Variants in KDM2A observed in about 807,000 individuals in gnomAD.
The protein encoded by KDM2A is lysine demethylase 2A.
Under a neutral mutation model 137.3 loss-of-function variants are expected in KDM2A, and 3 were observed. The ratio of observed to expected loss-of-function variants is 0.02; its 90% CI spans 0.01 to 0.06. KDM2A has a LOEUF of 0.06. KDM2A is among the 10% of genes least tolerant of loss of function. KDM2A has a pLI of 1.00. For synonymous variants in KDM2A, 512 were observed against 541.5 expected, an observed-to-expected ratio of 0.95 and a Z score of 0.76; for missense variants, 738 against 1,510.6, an observed-to-expected ratio of 0.49 and a Z score of 8.48.
chr11:67,241,060 C>A (rs1185560975), intron 12 of KDM2A, among the ~76,000 whole-genome samples: 1 of 152,172 alleles, frequency 6.6e-6, no homozygotes, highest in Non-Finnish European at 1.5e-5. Context: ...TCTTACTGTG[C>A]AGTCTGTTTT....
At chr11:67,191,548 C>A (rs1857354801) in intron 5 of KDM2A, among the ~76,000 whole-genome samples, 1 of 152,100 alleles carries the variant, frequency 6.6e-6, no homozygotes, top group African/African-American at 2.4e-5. Context: ...ATGTGAAAAT[C>A]AATCAATATA....
chr11:67,193,876 A>T (rs905104151), intron 5 of KDM2A, among the ~76,000 whole-genome samples: 3 of 152,110 alleles, frequency 2.0e-5, no homozygotes, highest in African/African-American at 7.2e-5. Flanking sequence ...ATACATACAT[A>T]CATACGTATT....
chr11:67,169,698 T>G (rs927210565), intron 2 of KDM2A, among the ~76,000 whole-genome samples: 1 of 150,286 alleles, frequency 6.7e-6, no homozygotes, highest in Non-Finnish European at 1.5e-5. Context: ...TCTTTTTTCT[T>G]TCTTTTTTCT....
chr11:67,146,638 A>C (rs1856254454), intron 2 of KDM2A, among the ~76,000 whole-genome samples: 1 of 151,900 alleles, frequency 6.6e-6, no homozygotes, highest in African/African-American at 2.4e-5. Context: ...CCCCACAAGT[A>C]CCAGGGACTA....
chr11:67,207,664 G>A lies in KDM2A; in HGVS notation c.462G>A (p.Glu154=). The change falls in exon 6 of 21, where the codon GAG becomes GAA. Residue 154 remains glutamate (E), a synonymous_variant. Transcript: ENST00000529006. ...TCGAGTTTAGCCACACCAGGCTGGA[G>A]AATATGGTGCAGAGGCCCTCCACGG... ...ISLEFSHTRL[E]NMVQRPSTVD... is the part of the protein sequence containing the mutation. The A allele has an allele frequency of 6.2e-7, 1 of 1,612,552 alleles. No homozygotes were observed. The highest frequency in any genetic ancestry group is 1.1e-5 in the South Asian group (1 of 90,906).
intron 5 of KDM2A, among the ~76,000 whole-genome samples, chr11:67,195,359 A>G (rs1454106017): frequency 4.7e-5 from 5 of 105,880 alleles, no homozygotes; most frequent in Non-Finnish European, 7.1e-5. Context: ...ATCGAGTGAG[A>G]CTCCGTCTCC....
At chr11:67,161,900 A>G (rs1856647074) in intron 2 of KDM2A, among the ~76,000 whole-genome samples, 1 of 152,102 alleles carries the variant, frequency 6.6e-6, no homozygotes, top group South Asian at 2.1e-4. Flanking sequence ...TATTTTCTAG[A>G]GTTTCCTAAG....
chr11:67,144,739 A>AT (rs1404548047), intron 2 of KDM2A, among the ~76,000 whole-genome samples: 1 of 145,704 alleles, frequency 6.9e-6, no homozygotes, highest in Non-Finnish European at 1.5e-5. Context: ...AATATTTGGT[A>AT]TTTTTTTTGT....
chr11:67,252,102 A>G (rs1245034023), intron 17 of KDM2A, among the ~76,000 whole-genome samples: 1 of 152,186 alleles, frequency 6.6e-6, no homozygotes, highest in Non-Finnish European at 1.5e-5. Context: ...TGGCCTGGCT[A>G]GAAAATGTCA....
intron 2 of KDM2A, among the ~76,000 whole-genome samples, chr11:67,122,647 A>ATT (rs1022360281): frequency 9.5e-6 from 1 of 105,816 alleles, no homozygotes; most frequent in Non-Finnish European, 1.7e-5. Flanking sequence ...ATTTATTTTT[A>ATT]TTTATTTATT....
chr11:67,175,433 G>GA (rs894354331), intron 2 of KDM2A, among the ~76,000 whole-genome samples: 1 of 152,066 alleles, frequency 6.6e-6, no homozygotes, highest in Admixed American at 6.6e-5. Flanking sequence ...CTCTGTCTCC[G>GA]AAAAAAACCA....
At chr11:67,243,196 G>A (rs962237178) in intron 13 of KDM2A, 104 bp downstream of exon 13, 1 of 778,380 alleles carries the variant, frequency 1.3e-6, no homozygotes, top group South Asian at 1.5e-5. Context: ...ATGGCTTTTG[G>A]TGCATTAATA....
chr11:67,169,918 A>ACCG (rs1856841584), intron 2 of KDM2A, among the ~76,000 whole-genome samples: 5 of 150,582 alleles, frequency 3.3e-5, no homozygotes, highest in Non-Finnish European at 5.9e-5. Flanking sequence ...CCACCATGGC[A>ACCG]GGCTAATTTT....
At chr11:67,234,706 A>T (rs924983637) in intron 12 of KDM2A, among the ~76,000 whole-genome samples, 2 of 152,190 alleles carry the variant, frequency 1.3e-5, no homozygotes, top group African/African-American at 4.8e-5. Context: ...ATACAAAATT[A>T]TCCAGGTGTG....
chr11:67,169,147 G>A (rs954228804), intron 2 of KDM2A, among the ~76,000 whole-genome samples: 3 of 151,376 alleles, frequency 2.0e-5, no homozygotes, highest in African/African-American at 7.3e-5. Flanking sequence ...GTAGAGATGG[G>A]GTTTCAACAT....
intron 5 of KDM2A, among the ~76,000 whole-genome samples, chr11:67,189,771 C>T (rs545239945): frequency 1.4e-4 from 21 of 152,132 alleles, no homozygotes; most frequent in African/African-American, 9.6e-5. Context: ...ACCTGGGAAG[C>T]GGAGGTTGCA....
intron 10 of KDM2A, among the ~76,000 whole-genome samples, chr11:67,223,243 A>C (rs1353331089): frequency 6.6e-6 from 1 of 152,042 alleles, no homozygotes; most frequent in African/African-American, 2.4e-5. Context: ...CAGTCTTAGA[A>C]ATTGATATGC....
At chr11:67,138,165 A>C (rs1002942395) in intron 2 of KDM2A, among the ~76,000 whole-genome samples, 2 of 152,222 alleles carry the variant, frequency 1.3e-5, no homozygotes, top group Non-Finnish European at 2.9e-5. Flanking sequence ...TAAGTGGCAC[A>C]AGTCTGTATT....
intron 2 of KDM2A, among the ~76,000 whole-genome samples, chr11:67,149,775 C>T (rs1246152725): frequency 1.4e-5 from 2 of 146,178 alleles, no homozygotes; most frequent in African/African-American, 2.5e-5. Context: ...GGCTGGAGTG[C>T]GATGATACGA....
Sources: allele counts gnomAD v4.1 joint callset (sites outside exome capture counted in the v4.1 genomes callset), GRCh38; gene constraint gnomAD v4.1.1; transcripts MANE v1.5; gene names NCBI Gene and HGNC (gene_info 2026-07-23, HGNC 2026-07-21).